The following ATXN7L1 variants were observed in gnomAD, a reference collection of about 807,000 sequenced individuals.
ATXN7L1 encodes the protein ataxin 7 like 1.
A neutral mutation model predicts 70.8 loss-of-function variants in ATXN7L1; 15 were observed. That is an observed-to-expected ratio of 0.21 (90% CI 0.14 to 0.33). The LOEUF is 0.33. ATXN7L1 is among the 10% of genes least tolerant of loss of function. The pLI, the probability that ATXN7L1 is intolerant of heterozygous loss-of-function variation, is 1.00. For missense variants in ATXN7L1, 975 were observed against 1,097.1 expected, an observed-to-expected ratio of 0.89 and a Z score of 1.57; for synonymous variants, 440 against 445.1, an observed-to-expected ratio of 0.99 and a Z score of 0.14.
At chr7:105,676,867 C>G (rs544355602) in intron 3 of ATXN7L1, among the ~76,000 whole-genome samples, 1 of 152,098 alleles carries the variant, frequency 6.6e-6, no homozygotes, top group Admixed American at 6.5e-5. Context: ...CAAAAAACCC[C>G]CCAAAACAAA....
At chr7:105,785,295 G>A (rs571880589) in intron 3 of ATXN7L1, among the ~76,000 whole-genome samples, 9 of 152,262 alleles carry the variant, frequency 5.9e-5, no homozygotes, top group South Asian at 2.1e-4. Context: ...GCAAAACCCC[G>A]TCTTTACTAA....
chr7:105,707,395 A>T (rs1355494423), intron 3 of ATXN7L1, among the ~76,000 whole-genome samples: 1 of 152,192 alleles, frequency 6.6e-6, no homozygotes, highest in Admixed American at 6.5e-5. Context: ...TCACGGAACC[A>T]AGAGATCTGA....
Position 105,747,732 on chromosome 7 carries a change from C to T in ATXN7L1, c.355+40872G>A, listed in dbSNP as rs376121503. 1.2e-4 allele frequency among the ~76,000 whole-genome samples: 19 copies of T among 152,118 alleles called. No individual in the cohort carries two copies. The South Asian group carries it at 2.5e-3, about 20-fold the overall frequency. ...TCTGATGCGATGTCTAGGTACATAG[C>T]GTCAGAATTGAATTAGAGGACATCC... On this transcript the variant is annotated intron_variant, in intron 3 of 11. Transcript: ENST00000419735.
chr7:105,681,768 A>G (rs1805587272), intron 3 of ATXN7L1, among the ~76,000 whole-genome samples: 1 of 152,218 alleles, frequency 6.6e-6, no homozygotes, highest in Non-Finnish European at 1.5e-5. Flanking sequence ...GCTAAGTGAA[A>G]TAATCCAGTC....
Position 105,614,390 on chromosome 7 carries a change from C to T in ATXN7L1, c.1944G>A (p.Gln648=), listed in dbSNP as rs1458065210. 10 of 1,551,974 alleles carry T rather than the reference C, an allele frequency of 6.4e-6. 1 individual carries two copies. In the South Asian group the frequency reaches 1.1e-4, roughly 17 times the overall value. The change falls in exon 10 of 12, where the codon CAG becomes CAA. Residue 648 remains glutamine, a synonymous_variant. Coordinates refer to ENST00000419735, the MANE Select transcript of ATXN7L1 (RefSeq NM_020725.2). This position sits in a 1 kb window ranked among gnomAD's most constrained non-coding sequence, Gnocchi z 4.3. ...AGGAGGAGGAGGAGGAAGTCGAAGA[C>T]TGTGGCTTCCTTTTTTTGTTACTTG... ...ESPSNKKRKP[Q]SSTSSSSSSS... is the part of the protein sequence containing the mutation.
At chr7:105,742,232 C>T (rs565284487) in intron 3 of ATXN7L1, among the ~76,000 whole-genome samples, 6 of 152,318 alleles carry the variant, frequency 3.9e-5, no homozygotes, top group African/African-American at 1.4e-4. Context: ...CTGGCTTTAT[C>T]TTCTGCAGAG....
At chr7:105,635,568 C>T (rs1366364963) in intron 7 of ATXN7L1, among the ~76,000 whole-genome samples, 3 of 152,220 alleles carry the variant, frequency 2.0e-5, no homozygotes, top group East Asian at 3.8e-4. Context: ...GAACCATGAC[C>T]AAGCTTACCT....
chr7:105,780,663 C>T (rs1181567241), intron 3 of ATXN7L1, among the ~76,000 whole-genome samples: 2 of 151,670 alleles, frequency 1.3e-5, no homozygotes, highest in Non-Finnish European at 2.9e-5. Flanking sequence ...GTGTGGCAGA[C>T]AAATTCTGTG....
intron 3 of ATXN7L1, among the ~76,000 whole-genome samples, chr7:105,708,516 C>T (rs1047479658): frequency 6.6e-6 from 1 of 152,170 alleles, no homozygotes; most frequent in Non-Finnish European, 1.5e-5. Context: ...AATTGGAGCG[C>T]AACTTATTTG....
rs560386181 is a variant in ATXN7L1 at position 105,661,308 on chromosome 7, T to C, written c.578+3758A>G. Among the ~76,000 whole-genome samples, 207 of 152,202 alleles carry C rather than the reference T, an allele frequency of 1.4e-3. 1 individual carries two copies. The highest frequency in any genetic ancestry group is 4.9e-3 in the African/African-American group (205 of 41,538). On this transcript the variant is annotated intron_variant, in intron 4 of 11. Transcript: ENST00000419735. ...GATGGACGGATGTTCTAGGCAAAGGTACCAGGGGTAGAGATGGGGGGAAAT... is the reference window on the plus strand; with the variant it reads ...GATGGACGGATGTTCTAGGCAAAGGCACCAGGGGTAGAGATGGGGGGAAAT...
chr7:105,828,880 C>T (rs538248585), intron 2 of ATXN7L1, among the ~76,000 whole-genome samples: 1 of 152,248 alleles, frequency 6.6e-6, no homozygotes, highest in South Asian at 2.1e-4. Context: ...ACTCCACCGG[C>T]AAGGGTATTC....
At chr7:105,759,476 G>GTA in intron 3 of ATXN7L1, among the ~76,000 whole-genome samples, 2 of 118,972 alleles carry the variant, frequency 1.7e-5, no homozygotes, top group South Asian at 5.5e-4. Context: ...GTGTGTGTGT[G>GTA]TGTGTGTGTG....
chr7:105,864,808 A>AT (rs1361141835), intron 2 of ATXN7L1, among the ~76,000 whole-genome samples: 8 of 151,446 alleles, frequency 5.3e-5, no homozygotes, highest in East Asian at 3.9e-4. Flanking sequence ...TAATTTTTGT[A>AT]TTTTTTTTAG....
chr7:105,811,899 C>T (rs555459013), intron 2 of ATXN7L1, among the ~76,000 whole-genome samples: 1 of 152,306 alleles, frequency 6.6e-6, no homozygotes, highest in African/African-American at 2.4e-5. Flanking sequence ...TCTCCTCTTC[C>T]CCTCACAGGC....
intron 3 of ATXN7L1, among the ~76,000 whole-genome samples, chr7:105,682,759 T>C (rs1805698561): frequency 1.3e-5 from 2 of 152,094 alleles, no homozygotes; most frequent in African/African-American, 2.4e-5. Context: ...GAAAAGCAGA[T>C]TGGTGATTAG....
At chr7:105,641,540 A>G (rs796946044) in intron 5 of ATXN7L1, among the ~76,000 whole-genome samples, 2 of 152,236 alleles carry the variant, frequency 1.3e-5, no homozygotes, top group African/African-American at 4.8e-5. Context: ...ACAACTTCAG[A>G]TGGGGTTACA....
intron 3 of ATXN7L1, among the ~76,000 whole-genome samples, chr7:105,713,862 C>G (rs969031709): frequency 6.6e-6 from 1 of 152,232 alleles, no homozygotes; most frequent in Non-Finnish European, 1.5e-5. Context: ...CCCATTAGCC[C>G]TTCTGCCCAG....
In ATXN7L1 at chr7:105,783,510, T is replaced by C. The variant is rs76175227; in HGVS notation, c.355+5094A>G. 3.9e-3 allele frequency among the ~76,000 whole-genome samples: 598 copies of C among 152,192 alleles called. 5 individuals carry two copies. The highest frequency in any genetic ancestry group is 0.013 in the African/African-American group (543 of 41,522). On this transcript the variant is annotated intron_variant, in intron 3 of 11. Transcript: ENST00000419735. ...GGTCACCAGAAAGACCAATTGGAGA[T>C]TGAGCCAATCACCAATGGCCAATGA...
intron 4 of ATXN7L1, among the ~76,000 whole-genome samples, chr7:105,664,588 T>TATATATATATATATATATATATATA (rs1388359970): frequency 2.2e-4 from 32 of 147,622 alleles, no homozygotes; most frequent in East Asian, 4.0e-4. Flanking sequence ...TATATATATA[T>TATATATATATATATATATATATATA]TTGAGACAGA....
Sources: allele counts gnomAD v4.1 joint callset (sites outside exome capture counted in the v4.1 genomes callset), GRCh38; gene constraint gnomAD v4.1.1; non-coding constraint Gnocchi (gnomAD v3.1); transcripts MANE v1.5; gene names NCBI Gene and HGNC (gene_info 2026-07-23, HGNC 2026-07-21).